Variants in MPHOSPH6 observed in about 807,000 individuals in gnomAD.
MPHOSPH6 encodes M-phase phosphoprotein 6.
In MPHOSPH6, 25 loss-of-function variants were observed where a neutral mutation model predicts 21.8. The observed-to-expected ratio is 1.15, with a 90% CI of 0.83 to 1.60. MPHOSPH6 has a LOEUF of 1.60. Among genes scored for constraint, MPHOSPH6 ranks in the 40% most tolerant of loss-of-function variants. MPHOSPH6 has a pLI of 0.00. For missense variants in MPHOSPH6, 269 were observed against 181.8 expected (o/e 1.48, Z -2.76); for synonymous variants, 84 against 56.5 (o/e 1.49, Z -2.18).
At position 82,151,211 on chromosome 16, in the gene MPHOSPH6, T is replaced by C. The variant is rs1597158996; in HGVS notation, c.255+213A>G. ...TATGGTGGCTCTGTCAAGGGCTGTATACTGCTATATGAAATTATCTACTCA... is the reference window on the plus strand; with the variant it reads ...TATGGTGGCTCTGTCAAGGGCTGTACACTGCTATATGAAATTATCTACTCA... On this transcript the variant is annotated intron_variant, in intron 3 of 4. Transcript: ENST00000258169. The C allele has an allele frequency of 5.6e-6, 3 of 537,064 alleles. No homozygotes were observed. In the South Asian group the frequency reaches 7.1e-5, roughly 13 times the overall value. 33.3% of individuals were successfully genotyped at this position (537,064 alleles called of 1,614,324 possible).
chr16:82,149,193 G>A, intron 4 of MPHOSPH6, 116 bp downstream of exon 4: 3 of 1,091,948 alleles, frequency 2.7e-6, no homozygotes, highest in Admixed American at 1.7e-5. Context: ...CACAGTCATC[G>A]TCCTACTGGG....
intron 1 of MPHOSPH6, 24 bp downstream of exon 1, chr16:82,170,101 G>A (rs370638850): frequency 6.3e-7 from 1 of 1,585,394 alleles, no homozygotes; most frequent in Non-Finnish European, 8.6e-7. Flanking sequence ...ACCGCCCGGA[G>A]TGGCGCTCTC....
At chr16:82,151,916 C>T (rs1185186529) in intron 2 of MPHOSPH6, among the ~76,000 whole-genome samples, 1 of 152,166 alleles carries the variant, frequency 6.6e-6, no homozygotes, top group East Asian at 1.9e-4. Flanking sequence ...ATACAGTATA[C>T]AGTGACACAC....
In MPHOSPH6 at chr16:82,164,095, G is replaced by A; in HGVS notation, c.151C>T (p.Leu51Phe). The A allele has an allele frequency of 6.2e-7, 1 of 1,609,444 alleles. No individual in the cohort carries two copies. Among genetic ancestry groups the A allele is most frequent in the Non-Finnish European group, 8.5e-7 (1 of 1,176,952 alleles). Residue 51 changes from leucine (L) to phenylalanine (F), a missense_variant, in exon 2 of 5, where the codon CTT (leucine) becomes TTT (phenylalanine). Transcript: ENST00000258169. ...TAATAAACCTACTCTTTCTCTTTAA[G>A]CTCTGGCAAATCCAAGTACCAGTGC... ...EEHWYLDLPE[L>F]KEKESFIIEE...
In MPHOSPH6 at chr16:82,151,413, A is replaced by G; in HGVS notation, c.255+11T>C. The G allele has an allele frequency of 6.2e-7, 1 of 1,603,652 alleles. No homozygotes were observed. Among genetic ancestry groups the G allele is most frequent in the Non-Finnish European group, 8.5e-7 (1 of 1,177,174 alleles). On this transcript the variant is annotated intron_variant, in intron 3 of 4. Coordinates refer to ENST00000258169, the MANE Select transcript of MPHOSPH6 (RefSeq NM_005792.2). ...GAAAAATTTTTAATTTGAAGCAATT[A>G]TATTTAATACCTCAACCTCAGGATT...
intron 2 of MPHOSPH6, among the ~76,000 whole-genome samples, chr16:82,152,124 T>C (rs138992575): frequency 1.2e-3 from 179 of 152,340 alleles, no homozygotes; most frequent in Non-Finnish European, 2.0e-3. Context: ...TATTTGAATA[T>C]TTCCTTCCAG....
intron 2 of MPHOSPH6, among the ~76,000 whole-genome samples, chr16:82,160,358 C>G (rs1906568734): frequency 6.6e-6 from 1 of 152,170 alleles, no homozygotes; most frequent in African/African-American, 2.4e-5. Context: ...AAAAGCTGGA[C>G]TTGCCTAAAG....
At chr16:82,169,258 T>G (rs565114895) in intron 1 of MPHOSPH6, among the ~76,000 whole-genome samples, 1 of 152,388 alleles carries the variant, frequency 6.6e-6, no homozygotes, top group African/African-American at 2.4e-5. Flanking sequence ...TTCTTAGTAC[T>G]TGCCTTCCAG....
intron 2 of MPHOSPH6, among the ~76,000 whole-genome samples, chr16:82,161,635 G>A (rs1906611062): frequency 6.6e-6 from 1 of 152,222 alleles, no homozygotes; most frequent in African/African-American, 2.4e-5. Flanking sequence ...TTAGCAGGCA[G>A]TGTTGTTCAG....
Position 82,170,143 on chromosome 16 carries a change from C to T in MPHOSPH6, c.33G>A (p.Lys11=), listed in dbSNP as rs1329641428. 1 of 1,594,516 alleles carries T rather than the reference C, an allele frequency of 6.3e-7. No individual in the cohort carries two copies. The highest frequency in any genetic ancestry group is 1.7e-5 in the Admixed American group (1 of 57,924). The change falls in exon 1 of 5, where the codon AAG becomes AAA. Residue 11 remains lysine (K), a synonymous_variant. Coordinates refer to ENST00000258169, the MANE Select transcript of MPHOSPH6 (RefSeq NM_005792.2). The part of the protein sequence containing the change: MAAERKTRLS[K]NLLRMKFMQR... ...CCCGCACCTTCATGCGCAGTAGATT[C>T]TTGGACAACCTTGTCTTTCGCTCGG...
chr16:82,155,925 T>C (rs1007775996), intron 2 of MPHOSPH6, among the ~76,000 whole-genome samples: 4 of 150,194 alleles, frequency 2.7e-5, no homozygotes, highest in African/African-American at 9.8e-5. Flanking sequence ...AAAAAGTTAA[T>C]AGGATCACAG....
chr16:82,158,774 C>A (rs1214584346), intron 2 of MPHOSPH6, among the ~76,000 whole-genome samples: 1 of 152,194 alleles, frequency 6.6e-6, no homozygotes, highest in Non-Finnish European at 1.5e-5. Flanking sequence ...TATCTGTCAT[C>A]TTGGGCTTGA....
intron 2 of MPHOSPH6, among the ~76,000 whole-genome samples, chr16:82,152,001 C>G (rs1906280222): frequency 6.6e-6 from 1 of 152,176 alleles, no homozygotes; most frequent in South Asian, 2.1e-4. Context: ...ATTCCATTCT[C>G]TAATTATCAA....
intron 1 of MPHOSPH6, among the ~76,000 whole-genome samples, chr16:82,165,144 T>TTTTTTTTTTTTTTTTG (rs1555540871): frequency 3.7e-5 from 4 of 108,628 alleles, no homozygotes; most frequent in Admixed American, 2.2e-4. Flanking sequence ...TTTTTTTTTT[T>TTTTTTTTTTTTTTTTG]TGAGACAGAG....
At chr16:82,163,926 C>G (rs540588231) in intron 2 of MPHOSPH6, 156 bp downstream of exon 2, 1 of 571,818 alleles carries the variant, frequency 1.7e-6, no homozygotes, top group Non-Finnish European at 3.0e-6. Context: ...TGTACAACTT[C>G]TATAGGTTTA....
intron 3 of MPHOSPH6, 198 bp downstream of exon 3, chr16:82,151,226 T>G: frequency 1.6e-6 from 1 of 633,800 alleles, no homozygotes; most frequent in Admixed American, 3.3e-5. Flanking sequence ...CTATATGAAA[T>G]TATCTACTCA....
At chr16:82,162,763 T>C (rs904466365) in intron 2 of MPHOSPH6, among the ~76,000 whole-genome samples, 1 of 152,134 alleles carries the variant, frequency 6.6e-6, no homozygotes, top group Non-Finnish European at 1.5e-5. Flanking sequence ...TACACACCTA[T>C]ACATAAACAG....
intron 1 of MPHOSPH6, among the ~76,000 whole-genome samples, chr16:82,169,727 A>G (rs1277434699): frequency 6.6e-6 from 1 of 152,266 alleles, no homozygotes; most frequent in Non-Finnish European, 1.5e-5. Context: ...TCAGAGAAAG[A>G]AGTGAATTTA....
At chr16:82,160,674 C>G (rs1469425564) in intron 2 of MPHOSPH6, among the ~76,000 whole-genome samples, 2 of 152,170 alleles carry the variant, frequency 1.3e-5, no homozygotes, top group Non-Finnish European at 2.9e-5. Flanking sequence ...ACTGGGTGCA[C>G]AGCATCCACC....
Sources: allele counts gnomAD v4.1 joint callset (sites outside exome capture counted in the v4.1 genomes callset), GRCh38; gene constraint gnomAD v4.1.1; transcripts MANE v1.5; gene names NCBI Gene and HGNC (gene_info 2026-07-23, HGNC 2026-07-21).